Variants in PAMR1 observed in about 807,000 individuals in gnomAD.
The protein encoded by PAMR1 is inactive serine protease PAMR1.
Under a neutral mutation model 81.8 loss-of-function variants are expected in PAMR1, and 88 were observed. That is an observed-to-expected ratio of 1.08 (90% CI 0.91 to 1.28). The LOEUF (loss-of-function observed/expected upper bound fraction) is 1.28. Ranked by LOEUF, PAMR1 falls within the 50% of genes most tolerant of loss-of-function variation. PAMR1 has a pLI of 0.00. For missense variants in PAMR1, 935 were observed against 919.7 expected, an observed-to-expected ratio of 1.02 and a Z score of -0.21; for synonymous variants, 336 against 345.3, an observed-to-expected ratio of 0.97 and a Z score of 0.30.
intron 6 of PAMR1, among the ~76,000 whole-genome samples, chr11:35,454,459 T>C (rs1856483105): frequency 6.6e-6 from 1 of 152,178 alleles, no homozygotes; most frequent in South Asian, 2.1e-4. Flanking sequence ...GGGAGTTCAG[T>C]TGAAAACACT....
chr11:35,432,284 C>A lies in PAMR1; in HGVS notation c.*72G>T, dbSNP rs1455660313. On this transcript the variant is annotated 3_prime_UTR_variant, in exon 11 of 11. Transcript: ENST00000619888. ...CAGGCCAAATCACACTTCAGGCCCA[C>A]ACTGCTTCACGCAATGACACACGTA... 3.5e-6 allele frequency: 5 copies of A among 1,419,370 alleles called. No homozygotes were observed. Among genetic ancestry groups the A allele is most frequent in the Non-Finnish European group, 4.8e-6 (5 of 1,034,862 alleles). The allele number at this position is 1,419,370 out of a possible 1,614,324, so 87.9% of individuals were successfully genotyped here.
chr11:35,468,736 T>C (rs1257869935), intron 5 of PAMR1, among the ~76,000 whole-genome samples: 1 of 152,242 alleles, frequency 6.6e-6, no homozygotes, highest in Non-Finnish European at 1.5e-5. Context: ...GTGAGTTTCC[T>C]AATATACATT....
At chr11:35,518,135 T>C (rs1035615278) in intron 1 of PAMR1, among the ~76,000 whole-genome samples, 13 of 152,086 alleles carry the variant, frequency 8.5e-5, no homozygotes, top group Admixed American at 8.5e-4. Flanking sequence ...CTGAACACCA[T>C]TGAGAAGCAG....
At chr11:35,468,912 A>T (rs1194333519) in intron 5 of PAMR1, among the ~76,000 whole-genome samples, 1 of 152,208 alleles carries the variant, frequency 6.6e-6, no homozygotes, top group East Asian at 1.9e-4. Context: ...AGTTCAACAA[A>T]CCTGTCTTGA....
At chr11:35,474,421 A>G (rs1239740194) in intron 4 of PAMR1, among the ~76,000 whole-genome samples, 1 of 152,188 alleles carries the variant, frequency 6.6e-6, no homozygotes, top group African/African-American at 2.4e-5. Flanking sequence ...TTGGGTCAAA[A>G]TCATCTGAGC....
chr11:35,500,192 A>C (rs896294195), intron 1 of PAMR1, among the ~76,000 whole-genome samples: 1 of 152,230 alleles, frequency 6.6e-6, no homozygotes, highest in African/African-American at 2.4e-5. Context: ...GTGCTGTTTT[A>C]AAGCCCTAAA....
chr11:35,432,795 C>T lies in PAMR1; in HGVS notation c.1724G>A (p.Arg575Gln). 10 of 1,610,188 alleles carry T rather than the reference C, an allele frequency of 6.2e-6. No homozygotes were observed. Among genetic ancestry groups the T allele is most frequent in the Non-Finnish European group, 5.9e-6 (7 of 1,179,980 alleles). The stretch of plus-strand genomic sequence containing the variant: ...GGCAGCGAGGCAGATGGGCTGGACT[C>T]GGGTGCTGATACGGGCCTTGTCTAG... ...KLLDKARISTRVQPICLAASR... is the reference protein window; with the variant it reads ...KLLDKARISTQVQPICLAASR... The change falls in exon 11 of 11, where the codon CGA becomes CAA. Residue 575 changes from arginine to glutamine, a missense_variant. Physicochemically the swap from Arg to Gln is conservative, Grantham distance 43. Coordinates refer to ENST00000619888, the MANE Select transcript of PAMR1 (RefSeq NM_001001991.3).
At chr11:35,485,959 T>C (rs1259112639) in intron 3 of PAMR1, among the ~76,000 whole-genome samples, 1 of 152,216 alleles carries the variant, frequency 6.6e-6, no homozygotes. Flanking sequence ...ACCCTTAACG[T>C]AGGCAGGCAG....
Position 35,432,302 on chromosome 11 carries a change from C to A in PAMR1, c.*54G>T. On this transcript the variant is annotated 3_prime_UTR_variant, in exon 11 of 11. Coordinates refer to ENST00000619888, the MANE Select transcript of PAMR1 (RefSeq NM_001001991.3). ...AGGCCCACACTGCTTCACGCAATGA[C>A]ACACGTACAGACGGATATACAGAAA... 6.7e-7 allele frequency: 1 copy of A among 1,501,780 alleles called. No individual in the cohort carries two copies. 93.0% of individuals were successfully genotyped at this position (1,501,780 alleles called of 1,614,324 possible).
chr11:35,476,753 A>T (rs1056454160), intron 3 of PAMR1, among the ~76,000 whole-genome samples: 1 of 151,994 alleles, frequency 6.6e-6, no homozygotes, highest in African/African-American at 2.4e-5. Flanking sequence ...AGCCCTCCAA[A>T]GGTTCTCCAC....
At chr11:35,529,090 TG>T (rs1020409210), upstream of PAMR1, 1 of 152,224 alleles carries the variant, frequency 6.6e-6, no homozygotes, top group Non-Finnish European at 1.5e-5. Context: ...TACCTTTCTC[TG>T]TCCCCATTAT....
At chr11:35,456,312 C>T (rs1856532150) in intron 6 of PAMR1, among the ~76,000 whole-genome samples, 1 of 152,074 alleles carries the variant, frequency 6.6e-6, no homozygotes, top group Admixed American at 6.6e-5. Context: ...TAGCCAACCC[C>T]AGAAGTTGAC....
intron 1 of PAMR1, among the ~76,000 whole-genome samples, chr11:35,513,018 C>T (rs948412275): frequency 6.6e-6 from 1 of 152,060 alleles, no homozygotes; most frequent in South Asian, 2.1e-4. Flanking sequence ...AGGAAAGTGG[C>T]GAGCAGGATG....
At chr11:35,510,341 T>C (rs931193776) in intron 1 of PAMR1, among the ~76,000 whole-genome samples, 4 of 152,196 alleles carry the variant, frequency 2.6e-5, no homozygotes, top group Non-Finnish European at 5.9e-5. Flanking sequence ...CTTGGTCTTA[T>C]ACATTCTATG....
chr11:35,508,877 G>A (rs1851024816), intron 1 of PAMR1, among the ~76,000 whole-genome samples: 1 of 152,140 alleles, frequency 6.6e-6, no homozygotes, highest in African/African-American at 2.4e-5. Flanking sequence ...TGAAGGACTT[G>A]ATGTCATTTT....
At chr11:35,460,886 C>T (rs1259294313) in intron 6 of PAMR1, among the ~76,000 whole-genome samples, 2 of 152,094 alleles carry the variant, frequency 1.3e-5, no homozygotes, top group East Asian at 1.9e-4. Flanking sequence ...TGAGGAATCG[C>T]CACACTCTTC....
chr11:35,521,060 C>A (rs1851266614), intron 1 of PAMR1, among the ~76,000 whole-genome samples: 1 of 152,334 alleles, frequency 6.6e-6, no homozygotes, highest in South Asian at 2.1e-4. Flanking sequence ...TGCTTCTGGG[C>A]TCCCATGTCT....
chr11:35,461,392 G>T (rs1374058197), intron 6 of PAMR1, among the ~76,000 whole-genome samples: 1 of 152,094 alleles, frequency 6.6e-6, no homozygotes, highest in African/African-American at 2.4e-5. Flanking sequence ...TAGGTATTTG[G>T]CTAGAATGCT....
In PAMR1 at chr11:35,434,780, G is replaced by T; in HGVS notation, c.1358C>A (p.Thr453Asn). The T allele has an allele frequency of 6.2e-7, 1 of 1,613,508 alleles. No individual in the cohort carries two copies. Among genetic ancestry groups the T allele is most frequent in the East Asian group, 2.2e-5 (1 of 44,862 alleles). ...IPICGKIENITAPKTQGLRWP... is the reference protein window; with the variant it reads ...IPICGKIENINAPKTQGLRWP... ...GCGCAACCCTTGGGTCTTTGGAGCA[G>T]TGATGTTCTCAATTTTCCCGCAGAC... The change falls in exon 10 of 11, where the codon ACT (threonine) becomes AAT (asparagine). Residue 453 changes from threonine to asparagine, a missense_variant. Transcript: ENST00000619888.
Sources: allele counts gnomAD v4.1 joint callset (sites outside exome capture counted in the v4.1 genomes callset), GRCh38; gene constraint gnomAD v4.1.1; transcripts MANE v1.5; gene names NCBI Gene and HGNC (gene_info 2026-07-23, HGNC 2026-07-21).